The following FAAH2 variants were observed in gnomAD, a reference collection of about 807,000 sequenced individuals.
FAAH2 encodes the protein fatty acid amide hydrolase 2.
In FAAH2, 60 loss-of-function variants were observed where a neutral mutation model predicts 36.9. The observed-to-expected ratio is 1.63, with a 90% confidence interval of 1.32 to 2.02. The LOEUF is 2.02. Ranked by LOEUF, FAAH2 falls within the 30% of genes most tolerant of loss-of-function variation. FAAH2 has a pLI of 0.00. For synonymous variants in FAAH2, 214 were observed against 143.8 expected (o/e 1.49, Z -3.49); for missense variants, 689 against 397.5 (o/e 1.73, Z -6.23).
intron 8 of FAAH2, among the ~76,000 whole-genome samples, chrX:57,441,714 G>A (rs1238280785): frequency 9.0e-6 from 1 of 110,608 alleles, no homozygotes; most frequent in Non-Finnish European, 1.9e-5. Context: ...GTGTCAATTT[G>A]AGATCTTTCT....
chrX:57,219,122 A>G, the FAAH2 span, among the ~76,000 whole-genome samples: 2 of 111,662 alleles, frequency 1.8e-5, no homozygotes, highest in African/African-American at 6.5e-5. Context: ...CATATGGGTA[A>G]AACATAGCAG....
the FAAH2 span, among the ~76,000 whole-genome samples, chrX:57,269,787 G>C: frequency 9.0e-6 from 1 of 111,041 alleles, no homozygotes; most frequent in Non-Finnish European, 1.9e-5. Context: ...AAGATCTCAA[G>C]TTAACAACCT....
intron 10 of FAAH2, among the ~76,000 whole-genome samples, chrX:57,462,004 G>A (rs2056966128): frequency 9.1e-6 from 1 of 109,756 alleles, no homozygotes; most frequent in African/African-American, 3.3e-5. Context: ...ACTACCATCA[G>A]AGAATACTAT....
At chrX:57,394,057 C>CT in intron 7 of FAAH2, 7 of 730,700 alleles carry the variant, frequency 9.6e-6, no homozygotes, top group Non-Finnish European at 6.6e-6. Context: ...CATGAAATAT[C>CT]TGAGCATCAA....
chrX:57,459,836 C>T (rs1003368830), intron 10 of FAAH2, among the ~76,000 whole-genome samples: 2 of 111,703 alleles, frequency 1.8e-5, no homozygotes, highest in African/African-American at 6.5e-5. Flanking sequence ...AAACCCCATC[C>T]AAAGGTCACC....
the FAAH2 span, among the ~76,000 whole-genome samples, chrX:57,131,306 C>T: frequency 1.9e-5 from 2 of 108,074 alleles, no homozygotes; most frequent in African/African-American, 6.8e-5. Context: ...AGGATGGTCT[C>T]GATCTCCTGA....
chrX:57,481,675 C>T (rs939150513), intron 10 of FAAH2, among the ~76,000 whole-genome samples: 3 of 111,681 alleles, frequency 2.7e-5, no homozygotes, highest in Non-Finnish European at 5.7e-5. Flanking sequence ...AAGTGTCCTT[C>T]GACCCCTGTT....
At chrX:57,338,057 C>A (rs1194639907) in intron 4 of FAAH2, among the ~76,000 whole-genome samples, 1 of 112,164 alleles carries the variant, frequency 8.9e-6, no homozygotes, top group Admixed American at 9.5e-5. Flanking sequence ...TCAACAAAGT[C>A]TCAGTTTCAT....
At chrX:57,419,333 A>T (rs1241339783) in intron 7 of FAAH2, among the ~76,000 whole-genome samples, 1 of 110,798 alleles carries the variant, frequency 9.0e-6, no homozygotes, top group Non-Finnish European at 1.9e-5. Context: ...CAGTCCCACC[A>T]ACAGTGTAAA....
chrX:57,295,668 C>T (rs2052122560), intron 2 of FAAH2, among the ~76,000 whole-genome samples: 1 of 112,219 alleles, frequency 8.9e-6, no homozygotes, highest in Non-Finnish European at 1.9e-5. Flanking sequence ...CATCACCTCA[C>T]CCAGGAAGTG....
intron 5 of FAAH2, among the ~76,000 whole-genome samples, chrX:57,353,481 A>T (rs1414171087): frequency 9.8e-5 from 3 of 30,509 alleles, no homozygotes; most frequent in African/African-American, 3.3e-4. Context: ...GAAGACCCCA[A>T]ATTATTAAAA....
chrX:57,416,114 A>T (rs986520248), intron 7 of FAAH2, among the ~76,000 whole-genome samples: 1 of 110,546 alleles, frequency 9.0e-6, no homozygotes, highest in Non-Finnish European at 1.9e-5. Flanking sequence ...TTGGGCCTAT[A>T]TGTGTCTTTG....
At chrX:57,241,245 A>G in the FAAH2 span, among the ~76,000 whole-genome samples, 1 of 112,577 alleles carries the variant, frequency 8.9e-6, no homozygotes, top group Non-Finnish European at 1.9e-5. Context: ...AACTATAAAA[A>G]TCCTGGAAGA....
chrX:57,338,403 G>A (rs775736806), intron 4 of FAAH2, among the ~76,000 whole-genome samples: 22 of 111,629 alleles, frequency 2.0e-4, no homozygotes, highest in African/African-American at 6.8e-4. Flanking sequence ...TTAAGGCAAG[G>A]ACTGGCCATT....
intron 5 of FAAH2, among the ~76,000 whole-genome samples, chrX:57,353,205 G>A (rs1250624892): frequency 9.1e-6 from 1 of 109,647 alleles, no homozygotes; most frequent in Non-Finnish European, 1.9e-5. Flanking sequence ...AATATTATGA[G>A]GCGACAGTAA....
chrX:57,182,115 G>A, the FAAH2 span, among the ~76,000 whole-genome samples: 2 of 111,268 alleles, frequency 1.8e-5, no homozygotes, highest in East Asian at 2.8e-4. Flanking sequence ...AAAAACAAAC[G>A]AACAAAGCTA....
rs180925173 is a variant in FAAH2, at chrX:57,447,790, C to T, written c.1229-734C>T. On this transcript the variant is annotated intron_variant, in intron 9 of 10. Transcript: ENST00000374900. ...GCCTGGTCCATGAAACCATTTTTTC[C>T]TCTTAGGCCTCTGAACCTGTGATGG... is the stretch of plus-strand genomic sequence containing the variant. Among the ~76,000 whole-genome samples, 109 of 111,716 alleles carry T rather than the reference C, an allele frequency of 9.8e-4. 1 individual carries two copies. The highest frequency in any genetic ancestry group is 3.3e-3 in the African/African-American group (102 of 30,735).
chrX:57,286,809 G>A lies in FAAH2; in HGVS notation c.-17G>A, dbSNP rs746555000. 8.6e-7 allele frequency: 1 copy of A among 1,168,243 alleles called. No homozygotes were observed. Among genetic ancestry groups the A allele is most frequent in the South Asian group, 2.0e-5 (1 of 50,500 alleles). On this transcript the variant is annotated 5_prime_UTR_variant, in exon 1 of 11. Transcript: ENST00000374900. ...CGTAACCCTCAAGCACTAGGACCGT[G>A]CGGAATCCAGGCTGCGATGGCACCT...
chrX:57,122,242 T>C, the FAAH2 span, among the ~76,000 whole-genome samples: 1 of 112,026 alleles, frequency 8.9e-6, no homozygotes, highest in Admixed American at 9.5e-5. Flanking sequence ...AACTGGGATT[T>C]GTTTTTTATC....
Sources: allele counts gnomAD v4.1 joint callset (sites outside exome capture counted in the v4.1 genomes callset), GRCh38; gene constraint gnomAD v4.1.1; transcripts MANE v1.5; gene names NCBI Gene and HGNC (gene_info 2026-07-23, HGNC 2026-07-21).